Variants in SLC12A3 observed in about 807,000 individuals in gnomAD.
SLC12A3 encodes the protein solute carrier family 12 member 3, also known as Na-Cl cotransporter.
Under a neutral mutation model 121.0 loss-of-function variants are expected in SLC12A3, and 104 were observed. The observed-to-expected ratio is 0.86, with a 90% CI of 0.73 to 1.01. SLC12A3 has a LOEUF of 1.01. SLC12A3 is among the 50% of genes least tolerant of loss of function. The pLI is 0.00. For synonymous variants in SLC12A3, 536 were observed against 533.4 expected (o/e 1.00, Z -0.07); for missense variants, 1,328 against 1,356.3 (o/e 0.98, Z 0.33).
rs918422848 is a variant in SLC12A3, at chr16:56,915,843, C to T, written c.*2438C>T. On this transcript the variant is annotated 3_prime_UTR_variant, in exon 26 of 26. Transcript: ENST00000563236. Reference sequence around the variant, plus strand: ...TGAATAAAAACGGTGGTCATTCAGTCAACGGAACTTATTTGTTTTGGAACA... The same window carrying T: ...TGAATAAAAACGGTGGTCATTCAGTTAACGGAACTTATTTGTTTTGGAACA... The T allele has an allele frequency of 6.6e-6, 1 of 152,154 alleles. No homozygotes were observed. The highest frequency in any genetic ancestry group is 2.4e-5 in the African/African-American group (1 of 41,444). 9.4% of individuals were successfully genotyped at this position (152,154 alleles called of 1,614,324 possible).
chr16:56,884,608 C>T (rs764165485), intron 14 of SLC12A3, among the ~76,000 whole-genome samples: 9 of 152,176 alleles, frequency 5.9e-5, no homozygotes, highest in Non-Finnish European at 1.3e-4. Flanking sequence ...GGCAAGGTCT[C>T]TACTTGGCTG....
intron 23 of SLC12A3, 71 bp downstream of exon 23, chr16:56,899,687 C>T: frequency 9.1e-7 from 1 of 1,100,158 alleles, no homozygotes; most frequent in Non-Finnish European, 1.4e-6. Context: ...GCCGGCTGCC[C>T]CCTTTTTCCT....
Position 56,890,257 on chromosome 16 carries a change from A to T in SLC12A3, c.2286-17A>T, listed in dbSNP as rs993445962. The T allele has an allele frequency of 3.1e-6, 5 of 1,609,968 alleles. No individual in the cohort carries two copies. The highest frequency in any genetic ancestry group is 4.3e-6 in the Non-Finnish European group (5 of 1,176,438). ...GGAGCTGGGGGAGAAGCTGGACCTC[A>T]CCTCCTCTCTTTCCAGTGATGCCTT... On this transcript the variant is annotated splice_polypyrimidine_tract_variant and intron_variant, in intron 18 of 25. Coordinates refer to ENST00000563236, the MANE Select transcript of SLC12A3 (RefSeq NM_001126108.2).
chr16:56,868,659 G>A (rs888292891), intron 3 of SLC12A3, among the ~76,000 whole-genome samples: 1 of 152,194 alleles, frequency 6.6e-6, no homozygotes, highest in South Asian at 2.1e-4. Context: ...CTCAAAGCGT[G>A]CAGGTTAGAA....
intron 11 of SLC12A3, 135 bp from the exon 12 acceptor site, chr16:56,879,995 A>C (rs1355733482): frequency 2.8e-6 from 3 of 1,071,732 alleles, no homozygotes; most frequent in African/African-American, 3.1e-5. Context: ...ATCCCTGTTT[A>C]ATAGAAACAG....
intron 8 of SLC12A3, among the ~76,000 whole-genome samples, chr16:56,873,277 G>A (rs1312249055): frequency 2.6e-5 from 4 of 151,432 alleles, no homozygotes; most frequent in Middle Eastern, 3.2e-3. Context: ...GTGTTACCTC[G>A]TCCCTCCTCC....
At chr16:56,881,266 G>A (rs1352786693) in intron 12 of SLC12A3, among the ~76,000 whole-genome samples, 2 of 152,204 alleles carry the variant, frequency 1.3e-5, no homozygotes, top group Non-Finnish European at 2.9e-5. Flanking sequence ...TATTACCCAA[G>A]GTAAGCTTTT....
intron 25 of SLC12A3, among the ~76,000 whole-genome samples, chr16:56,910,069 C>T (rs1222815716): frequency 6.6e-6 from 1 of 152,152 alleles, no homozygotes; most frequent in Non-Finnish European, 1.5e-5. Flanking sequence ...TCTAAAAACA[C>T]TCCCTCCTCA....
At chr16:56,896,185 G>A (rs1203758033) in intron 22 of SLC12A3, among the ~76,000 whole-genome samples, 1 of 152,186 alleles carries the variant, frequency 6.6e-6, no homozygotes, top group African/African-American at 2.4e-5. Context: ...CAGGGGTTGA[G>A]GCAGCAAATA....
At chr16:56,905,061 C>A (rs548720953) in intron 25 of SLC12A3, among the ~76,000 whole-genome samples, 4 of 152,076 alleles carry the variant, frequency 2.6e-5, no homozygotes, top group Admixed American at 2.6e-4. Flanking sequence ...CATGATTGGC[C>A]GGGCACGGTG....
Position 56,904,446 on chromosome 16 carries a change from G to T in SLC12A3, c.2908G>T (p.Ala970Ser), listed in dbSNP as rs534138382. ...GATTGTGCTGGATTACTCCCGAGACGCTGCTCTCATCGTCATGTAAGTAGT... is the reference window on the plus strand; with the variant it reads ...GATTGTGCTGGATTACTCCCGAGACTCTGCTCTCATCGTCATGTAAGTAGT... ...NEIVLDYSRDAALIVITLPIG... is the reference protein window; with the variant it reads ...NEIVLDYSRDSALIVITLPIG... Residue 970 changes from alanine to serine, a missense_variant, in exon 25 of 26, where the codon GCT (alanine) becomes TCT (serine). Physicochemically the swap from Ala to Ser is moderately conservative, Grantham distance 99. Coordinates refer to ENST00000563236, the MANE Select transcript of SLC12A3 (RefSeq NM_001126108.2). 6.2e-7 allele frequency: 1 copy of T among 1,613,822 alleles called. No homozygotes were observed. Among genetic ancestry groups the T allele is most frequent in the Non-Finnish European group, 8.5e-7 (1 of 1,179,752 alleles).
chr16:56,910,033 T>C (rs2055664502), intron 25 of SLC12A3, among the ~76,000 whole-genome samples: 1 of 151,776 alleles, frequency 6.6e-6, no homozygotes. Context: ...AACATATTCC[T>C]GTTGGGTCCA....
Position 56,890,432 on chromosome 16 carries a change from A to C in SLC12A3, c.2368+76A>C, listed in dbSNP as rs543042568. The C allele has an allele frequency of 2.3e-4, 278 of 1,193,894 alleles. 4 individuals carry two copies. In the South Asian group the frequency reaches 2.4e-3, roughly 10 times the overall value. 74.0% of individuals were successfully genotyped at this position (1,193,894 alleles called of 1,614,324 possible). A position where few individuals can be genotyped will look rare whatever the true frequency, so the allele number is the denominator to read the frequency against. ...TTTTTAAATGGCAGAGGGAAAAATG[A>C]GTAAGAAATAAAAGGTTACAGACTC... On this transcript the variant is annotated intron_variant, in intron 19 of 25. Coordinates refer to ENST00000563236, the MANE Select transcript of SLC12A3 (RefSeq NM_001126108.2).
At chr16:56,895,503 A>C (rs2055450463) in intron 22 of SLC12A3, among the ~76,000 whole-genome samples, 1 of 149,420 alleles carries the variant, frequency 6.7e-6, no homozygotes, top group South Asian at 2.1e-4. Flanking sequence ...CAATATTTTA[A>C]ATTTTTATAT....
intron 8 of SLC12A3, 29 bp downstream of exon 8, chr16:56,872,815 C>G: frequency 6.2e-7 from 1 of 1,613,528 alleles, no homozygotes. Flanking sequence ...CCTCCTGTGT[C>G]CTGGCACTGC....
chr16:56,867,405 G>A (rs1178539694), intron 2 of SLC12A3, among the ~76,000 whole-genome samples, 189 bp downstream of exon 2: 1 of 152,216 alleles, frequency 6.6e-6, no homozygotes, highest in Non-Finnish European at 1.5e-5. Context: ...AGAAGAAACT[G>A]TGTTTCCCTA....
intron 3 of SLC12A3, 134 bp from the exon 4 acceptor site, chr16:56,869,595 G>A: frequency 1.3e-6 from 1 of 762,372 alleles, no homozygotes; most frequent in East Asian, 2.7e-5. Context: ...CAAAGTGACA[G>A]AGACCCATTT....
chr16:56,867,703 AC>A (rs1276071575), intron 2 of SLC12A3, among the ~76,000 whole-genome samples: 5 of 151,566 alleles, frequency 3.3e-5, no homozygotes, highest in African/African-American at 1.2e-4. Context: ...GCCCTCCCCG[AC>A]CCCCAGATGC....
At chr16:56,894,893 G>A (rs2055441519) in intron 22 of SLC12A3, among the ~76,000 whole-genome samples, 1 of 151,972 alleles carries the variant, frequency 6.6e-6, no homozygotes, top group Non-Finnish European at 1.5e-5. Flanking sequence ...GCTTTGCTAC[G>A]ACAGGGAGGG....
Sources: allele counts gnomAD v4.1 joint callset (sites outside exome capture counted in the v4.1 genomes callset), GRCh38; gene constraint gnomAD v4.1.1; transcripts MANE v1.5; gene names NCBI Gene and HGNC (gene_info 2026-07-23, HGNC 2026-07-21).